Variants in ANKLE2 observed in about 807,000 individuals in gnomAD.
The protein encoded by ANKLE2 is ankyrin repeat and LEM domain-containing protein 2.
Under a neutral mutation model 84.2 loss-of-function variants are expected in ANKLE2, and 55 were observed. The ratio of observed to expected loss-of-function variants is 0.65; its 90% CI spans 0.53 to 0.82. The LOEUF (loss-of-function observed/expected upper bound fraction) is 0.82. ANKLE2 is among the 40% of genes least tolerant of loss of function. The probability of loss-of-function intolerance (pLI) is 0.00; values close to 1 mark genes in which losing one functional copy is unlikely to be tolerated. For missense variants in ANKLE2, 1,238 were observed against 1,201.9 expected, an observed-to-expected ratio of 1.03 and a Z score of -0.44; for synonymous variants, 551 against 486.1, an observed-to-expected ratio of 1.13 and a Z score of -1.76.
intron 10 of ANKLE2, chr12:132,732,107 T>C (rs2043864377): frequency 7.1e-6 from 1 of 141,148 alleles, no homozygotes; most frequent in Non-Finnish European, 1.5e-5. Flanking sequence ...ATATACACCA[T>C]GTGAAGCGCT....
At chr12:132,731,071 G>A (rs892078874) in intron 10 of ANKLE2, 9 of 152,210 alleles carry the variant, frequency 5.9e-5, no homozygotes, top group South Asian at 2.1e-4. Flanking sequence ...GCTCCCGGGC[G>A]CAGCACTGTG....
chr12:132,753,193 C>T (rs2044397036), intron 2 of ANKLE2, among the ~76,000 whole-genome samples: 2 of 151,868 alleles, frequency 1.3e-5, no homozygotes, highest in South Asian at 4.2e-4. Flanking sequence ...GCCCGTGATC[C>T]CAGCGATCCC....
In ANKLE2 at chr12:132,730,048, AGAG is replaced by A; in HGVS notation, c.2111_2113del (p.Pro704del). 1 of 1,612,928 alleles carries A rather than the reference AGAG, an allele frequency of 6.2e-7. No homozygotes were observed. The highest frequency in any genetic ancestry group is 8.5e-7 in the Non-Finnish European group (1 of 1,179,750). ...GCCCGCCAGGGTCCTGCTGTGATTC[AGAG>A]GATGGCAGAGCCCATTTCTGCTGCT... is the stretch of plus-strand genomic sequence containing the variant. On this transcript the variant is annotated inframe_deletion, in exon 11 of 13. Coordinates refer to ENST00000357997, the MANE Select transcript of ANKLE2 (RefSeq NM_015114.3).
At chr12:132,728,588 G>A (rs12306933) in intron 11 of ANKLE2, among the ~76,000 whole-genome samples, 4,939 of 152,272 alleles carry the variant, frequency 0.032, 249 homozygotes, top group African/African-American at 0.11. Flanking sequence ...TGCAAGGATC[G>A]ATCTGGCCTG....
Position 132,747,873 on chromosome 12 carries a change from G to C in ANKLE2, c.1189C>G (p.Arg397Gly). ...DDEAMLQKRI[R>G]YVVDLYLNTP... ...TTGAGGTACAGGTCCACCACGTAAC[G>C]GATACGCTTCTGCAGCATGGCCTCG... Residue 397 changes from arginine (R) to glycine (G), a missense_variant, in exon 5 of 13, where the codon CGT becomes GGT. This residue lies in a region of ANKLE2 where 802 missense variants were observed against 774.5 expected (regional missense o/e 1.04). Transcript: ENST00000357997. 1 of 1,611,378 alleles carries C rather than the reference G, an allele frequency of 6.2e-7. No individual in the cohort carries two copies.
chr12:132,750,513 G>T, intron 3 of ANKLE2, 130 bp downstream of exon 3: 1 of 893,726 alleles, frequency 1.1e-6, no homozygotes, highest in Non-Finnish European at 1.7e-6. Flanking sequence ...ATGGCCTCCT[G>T]GTCCACTGAG....
At position 132,730,175 on chromosome 12, in the gene ANKLE2, G is replaced by A. The variant is rs765971232; in HGVS notation, c.1987C>T (p.Pro663Ser). The change falls in exon 11 of 13, where the codon CCG (proline) becomes TCG (serine). Residue 663 changes from proline to serine, a missense_variant. By Grantham distance (74) the Pro-to-Ser change is moderately conservative. Coordinates refer to ENST00000357997, the MANE Select transcript of ANKLE2 (RefSeq NM_015114.3). ...NRQNAARNNS[P>S]PTVGAFGHTR... ...TGTCCAAAAGCACCGACTGTGGGCG[G>A]GCTGTTATTTCGAGCTGCATTTTGC... The A allele has an allele frequency of 1.2e-6, 2 of 1,607,712 alleles. No individual in the cohort carries two copies. The highest frequency in any genetic ancestry group is 1.1e-5 in the South Asian group (1 of 90,984).
intron 2 of ANKLE2, chr12:132,751,118 T>C (rs1428199364): frequency 9.8e-6 from 3 of 306,438 alleles, no homozygotes; most frequent in East Asian, 1.1e-4. Context: ...AAAAACTAAA[T>C]TTCATATAAA....
chr12:132,747,136 C>T (rs1394217955), intron 5 of ANKLE2, among the ~76,000 whole-genome samples: 2 of 152,218 alleles, frequency 1.3e-5, no homozygotes. Context: ...GCATGGGCAT[C>T]GGCCAGGATT....
chr12:132,748,858 TAC>T, intron 3 of ANKLE2: 1 of 101,082 alleles, frequency 9.9e-6, no homozygotes, highest in East Asian at 2.3e-4. Flanking sequence ...CTGGCTTATA[TAC>T]ATATATATAT....
intron 6 of ANKLE2, chr12:132,742,227 A>AT (rs2044140361): frequency 6.3e-6 from 1 of 158,492 alleles, no homozygotes; most frequent in Admixed American, 6.2e-5. Flanking sequence ...ACACAAAAAG[A>AT]ATCACATGTA....
At chr12:132,734,673 T>TG in intron 9 of ANKLE2, 98 bp from the exon 10 acceptor site, 1 of 1,185,024 alleles carries the variant, frequency 8.4e-7, no homozygotes, top group South Asian at 1.5e-5. Context: ...ACCAAAGCAA[T>TG]GTCTGCAATC....
intron 1 of ANKLE2, chr12:132,761,252 G>C (rs996981340): frequency 5.3e-6 from 1 of 188,802 alleles, no homozygotes; most frequent in African/African-American, 2.3e-5. Context: ...CCGGGACCCA[G>C]GGGTTTCCTC....
intron 11 of ANKLE2, among the ~76,000 whole-genome samples, chr12:132,728,829 C>T (rs2043763768): frequency 6.6e-6 from 1 of 151,986 alleles, no homozygotes; most frequent in African/African-American, 2.4e-5. Flanking sequence ...GTGCTCAGTA[C>T]CAGAAGGTTA....
Position 132,727,108 on chromosome 12 carries a change from T to G in ANKLE2, c.*134A>C. 1.0e-6 allele frequency: 1 copy of G among 966,256 alleles called. No homozygotes were observed. Among genetic ancestry groups the G allele is most frequent in the Non-Finnish European group, 1.5e-6 (1 of 688,078 alleles). 59.9% of individuals were successfully genotyped at this position (966,256 alleles called of 1,614,324 possible). A position where few individuals can be genotyped will look rare whatever the true frequency, so the allele number is the denominator to read the frequency against. Reference sequence around the variant, plus strand: ...AGTGTTATATAGAACATTTAAATCTTCTAAAATTCTCACACCCTCAAAGTG... The same window carrying G: ...AGTGTTATATAGAACATTTAAATCTGCTAAAATTCTCACACCCTCAAAGTG... On this transcript the variant is annotated 3_prime_UTR_variant, in exon 13 of 13. Coordinates refer to ENST00000357997, the MANE Select transcript of ANKLE2 (RefSeq NM_015114.3).
At chr12:132,751,284 G>C (rs1438677658) in intron 2 of ANKLE2, 1 of 154,590 alleles carries the variant, frequency 6.5e-6, no homozygotes, top group Non-Finnish European at 1.4e-5. Flanking sequence ...TCGCTCTGTC[G>C]CTCAAGCTCA....
intron 10 of ANKLE2, among the ~76,000 whole-genome samples, chr12:132,732,667 G>A (rs1444972446): frequency 9.3e-6 from 1 of 107,810 alleles, no homozygotes; most frequent in Non-Finnish European, 2.0e-5. Flanking sequence ...TGTCTGATAC[G>A]CACCGTGTGA....
intron 10 of ANKLE2, among the ~76,000 whole-genome samples, chr12:132,733,811 C>T (rs2043947934): frequency 6.6e-6 from 1 of 152,114 alleles, no homozygotes; most frequent in Non-Finnish European, 1.5e-5. Flanking sequence ...TGAAAATATA[C>T]CAAATCTAAA....
chr12:132,733,293 C>T (rs1167141189), intron 10 of ANKLE2, among the ~76,000 whole-genome samples: 1 of 144,466 alleles, frequency 6.9e-6, no homozygotes, highest in Non-Finnish European at 1.5e-5. Flanking sequence ...AAGCTCTCTG[C>T]GTCCTGGTGT....
Sources: allele counts gnomAD v4.1 joint callset (sites outside exome capture counted in the v4.1 genomes callset), GRCh38; gene constraint gnomAD v4.1.1; regional missense constraint gnomAD v4.1.1; transcripts MANE v1.5; gene names NCBI Gene and HGNC (gene_info 2026-07-23, HGNC 2026-07-21).